Variants in EWSR1 observed in about 807,000 individuals in gnomAD.
EWSR1 encodes the protein EWS RNA binding protein 1, also known as RNA-binding protein EWS.
Under a neutral mutation model 92.1 loss-of-function variants are expected in EWSR1, and 14 were observed. The observed-to-expected ratio is 0.15, with a 90% CI of 0.10 to 0.24. EWSR1 has a LOEUF of 0.24. Among genes scored for constraint, EWSR1 ranks in the 10% least tolerant of loss-of-function variants. The probability of loss-of-function intolerance (pLI) is 1.00; values close to 1 mark genes in which losing one functional copy is unlikely to be tolerated. For missense variants in EWSR1, 637 were observed against 870.9 expected (o/e 0.73, Z 3.38); for synonymous variants, 303 against 292.9 (o/e 1.03, Z -0.35).
At chr22:29,272,793 T>C (rs1035870649) in intron 3 of EWSR1, among the ~76,000 whole-genome samples, 1 of 152,174 alleles carries the variant, frequency 6.6e-6, no homozygotes, top group African/African-American at 2.4e-5. Flanking sequence ...TTGCAGTGCA[T>C]AGATATTAAG....
chr22:29,280,484 G>T (rs1264983890), intron 5 of EWSR1, among the ~76,000 whole-genome samples: 2 of 152,138 alleles, frequency 1.3e-5, no homozygotes, highest in African/African-American at 4.8e-5. Context: ...AGTTTTCCTT[G>T]GAACTGAGAT....
rs776226649 is a variant in EWSR1, at chr22:29,297,828, G to A, written c.1296G>A (p.Gly432=). 3 of 1,613,920 alleles carry A rather than the reference G, an allele frequency of 1.9e-6. No homozygotes were observed. The highest frequency in any genetic ancestry group is 1.7e-6 in the Non-Finnish European group (2 of 1,179,948). The part of the protein sequence containing the change: ...TAKAAVEWFD[G]KDFQGSKLKV... ...TGATGTTCTGTTGTCTTGTTCCAGGGAAAGATTTTCAAGGGAGCAAACTTA... is the reference window on the plus strand; with the variant it reads ...TGATGTTCTGTTGTCTTGTTCCAGGAAAAGATTTTCAAGGGAGCAAACTTA... Residue 432 remains glycine (G), a splice_region_variant and synonymous_variant, in exon 13 of 17, where the codon GGG becomes GGA. Transcript: ENST00000397938.
intron 5 of EWSR1, among the ~76,000 whole-genome samples, chr22:29,280,678 T>G (rs1201006751): frequency 4.0e-5 from 6 of 151,010 alleles, no homozygotes; most frequent in Non-Finnish European, 7.4e-5. Flanking sequence ...TGGTTGGTTT[T>G]TTTTTTTTTT....
intron 5 of EWSR1, among the ~76,000 whole-genome samples, chr22:29,279,711 C>T (rs1224989981): frequency 6.6e-6 from 1 of 152,216 alleles, no homozygotes; most frequent in Non-Finnish European, 1.5e-5. Flanking sequence ...CGTGAAATTA[C>T]TTTTAAAATG....
chr22:29,299,256 G>T lies in EWSR1; in HGVS notation c.1603G>T (p.Ala535Ser). The change falls in exon 15 of 17, where the codon GCC (alanine) becomes TCC (serine). Residue 535 changes from alanine (A) to serine (S), a missense_variant. Physicochemically the swap from Ala to Ser is moderately conservative, Grantham distance 99. Around this residue, in one of 5 missense-constraint regions of EWSR1, gnomAD observed 363 missense variants for 447.8 expected, o/e 0.81. Coordinates refer to ENST00000397938, the MANE Select transcript of EWSR1 (RefSeq NM_005243.4). ...PNPGCGNQNFAWRTECNQCKA... is the reference protein window; with the variant it reads ...PNPGCGNQNFSWRTECNQCKA... Reference sequence around the variant, plus strand: ...CAGGGGTTGTGGAAACCAGAACTTCGCCTGGAGAACAGAGTGCAACCAGTG... The same window carrying T: ...CAGGGGTTGTGGAAACCAGAACTTCTCCTGGAGAACAGAGTGCAACCAGTG... The T allele has an allele frequency of 4.3e-6, 7 of 1,614,088 alleles. No homozygotes were observed. The highest frequency in any genetic ancestry group is 5.1e-6 in the Non-Finnish European group (6 of 1,179,972).
At chr22:29,271,500 GAC>G (rs1569041669) in intron 1 of EWSR1, among the ~76,000 whole-genome samples, 1 of 152,144 alleles carries the variant, frequency 6.6e-6, no homozygotes, top group Non-Finnish European at 1.5e-5. Context: ...TTGTATGAAA[GAC>G]AATGGTGTTA....
chr22:29,289,638 A>C (rs1246998171), intron 8 of EWSR1: 1 of 232,514 alleles, frequency 4.3e-6, no homozygotes, highest in Non-Finnish European at 8.5e-6. Context: ...AAAGAAAAAA[A>C]AAAGTTATGC....
intron 5 of EWSR1, among the ~76,000 whole-genome samples, 180 bp downstream of exon 5, chr22:29,278,396 A>G (rs1161999047): frequency 6.6e-6 from 1 of 152,226 alleles, no homozygotes; most frequent in Non-Finnish European, 1.5e-5. Flanking sequence ...TGCATTTAAC[A>G]GTGAAATTGG....
intron 12 of EWSR1, among the ~76,000 whole-genome samples, chr22:29,297,509 T>TAGAGC (rs771419490): frequency 1.5e-4 from 23 of 152,280 alleles, no homozygotes; most frequent in Non-Finnish European, 2.6e-4. Context: ...CTGGGCAACC[T>TAGAGC]AGTGAGACAC....
intron 3 of EWSR1, among the ~76,000 whole-genome samples, chr22:29,272,692 C>T (rs2058774930): frequency 6.6e-6 from 1 of 152,154 alleles, no homozygotes; most frequent in African/African-American, 2.4e-5. Flanking sequence ...ATGCTTGGTC[C>T]TTCTTCATTA....
rs373180201 is a variant in EWSR1 at position 29,278,154 on chromosome 22, A to G, written c.351A>G (p.Ala117=). The G allele has an allele frequency of 3.9e-5, 63 of 1,614,114 alleles. No individual in the cohort carries two copies. The highest frequency in any genetic ancestry group is 5.1e-5 in the Non-Finnish European group (60 of 1,180,052). The change falls in exon 5 of 17, where the codon GCA becomes GCG. Residue 117 remains alanine (A), a synonymous_variant. Coordinates refer to ENST00000397938, the MANE Select transcript of EWSR1 (RefSeq NM_005243.4). ...AGGCCTCCTATGCAGCTCAGTCTGC[A>G]TATGGCACTCAGCCTGCTTATCCAG... The part of the protein sequence containing the change: ...TTQASYAAQS[A]YGTQPAYPAY...
At chr22:29,282,687 A>G (rs1040654154) in intron 6 of EWSR1, 130 bp downstream of exon 6, 6 of 660,646 alleles carry the variant, frequency 9.1e-6, no homozygotes, top group Non-Finnish European at 1.4e-5. Flanking sequence ...TCATCTGACC[A>G]TACTTGGTTA....
At chr22:29,292,396 A>C in intron 10 of EWSR1, 92 bp from the exon 11 acceptor site, 1 of 985,600 alleles carries the variant, frequency 1.0e-6, no homozygotes, top group Non-Finnish European at 1.6e-6. Flanking sequence ...TCTTAGATTT[A>C]TGATGAATAT....
chr22:29,300,344 G>T lies in EWSR1; in HGVS notation c.*183G>T. The T allele has an allele frequency of 1.7e-6, 1 of 601,702 alleles. No homozygotes were observed. Among genetic ancestry groups the T allele is most frequent in the Non-Finnish European group, 2.8e-6 (1 of 360,176 alleles). The allele number at this position is 601,702 out of a possible 1,614,324, so 37.3% of individuals were successfully genotyped here. On this transcript the variant is annotated 3_prime_UTR_variant, in exon 17 of 17. Transcript: ENST00000397938. The stretch of plus-strand genomic sequence containing the variant: ...AAAACAAGTTAAATGGTAGTGTGCG[G>T]AGTTTTTTTTTCTTCCTTCTTTTAA...
chr22:29,275,012 G>C (rs2058991548), intron 4 of EWSR1, among the ~76,000 whole-genome samples: 2 of 152,298 alleles, frequency 1.3e-5, no homozygotes, highest in South Asian at 4.1e-4. Context: ...AAACCTGTCT[G>C]TAATTTATCT....
Position 29,298,331 on chromosome 22 carries a change from C to A in EWSR1, c.1417+382C>A, listed in dbSNP as rs900341907. 5.0e-4 allele frequency among the ~76,000 whole-genome samples: 76 copies of A among 152,246 alleles called. 1 individual carries two copies. Among genetic ancestry groups the A allele is most frequent in the African/African-American group, 1.7e-3 (72 of 41,544 alleles). On this transcript the variant is annotated intron_variant, in intron 13 of 16. Coordinates refer to ENST00000397938, the MANE Select transcript of EWSR1 (RefSeq NM_005243.4). Reference sequence around the variant, plus strand: ...GACCAGCCTGGCCAACGTGGTGAAACTCCCTCTCTACTAAAAATACAAAAA... The same window carrying A: ...GACCAGCCTGGCCAACGTGGTGAAAATCCCTCTCTACTAAAAATACAAAAA...
chr22:29,272,443 A>G lies in EWSR1; in HGVS notation c.102+12A>G. ...CACAGACCACCCAGGTAATCTTTAA[A>G]ATAATTACATGTAGCTGCACCTCCA... On this transcript the variant is annotated intron_variant, in intron 3 of 16. Transcript: ENST00000397938. 3.7e-6 allele frequency: 6 copies of G among 1,611,932 alleles called. No individual in the cohort carries two copies.
At chr22:29,272,169 T>C in intron 1 of EWSR1, 47 bp from the exon 2 acceptor site, 1 of 1,573,218 alleles carries the variant, frequency 6.4e-7, no homozygotes, top group Middle Eastern at 1.7e-4. Context: ...TCTCTTCTCC[T>C]TGTTTCTGCT....
chr22:29,288,828 T>C, intron 8 of EWSR1, 42 bp downstream of exon 8: 1 of 1,488,422 alleles, frequency 6.7e-7, no homozygotes, highest in Admixed American at 2.3e-5. Context: ...TTTTGTTTCA[T>C]CCATAGGATT....
Sources: allele counts gnomAD v4.1 joint callset (sites outside exome capture counted in the v4.1 genomes callset), GRCh38; gene constraint gnomAD v4.1.1; regional missense constraint gnomAD v4.1.1; transcripts MANE v1.5; gene names NCBI Gene and HGNC (gene_info 2026-07-23, HGNC 2026-07-21).